Variants in CACNA2D3 observed in about 807,000 individuals in gnomAD.
CACNA2D3 encodes the protein calcium voltage-gated channel auxiliary subunit alpha2delta 3.
Under a neutral mutation model 160.6 loss-of-function variants are expected in CACNA2D3, and 60 were observed. The observed-to-expected ratio is 0.37, with a 90% CI of 0.30 to 0.46. CACNA2D3 has a LOEUF of 0.46. CACNA2D3 is among the 20% of genes least tolerant of loss of function. CACNA2D3 has a pLI of 1.00. For synonymous variants in CACNA2D3, 558 were observed against 492.9 expected (o/e 1.13, Z -1.75); for missense variants, 1,205 against 1,365.0 (o/e 0.88, Z 1.85).
intron 13 of CACNA2D3, among the ~76,000 whole-genome samples, chr3:54,809,255 TCTTC>T (rs149093173): frequency 3.4e-5 from 5 of 149,086 alleles, no homozygotes; most frequent in Admixed American, 6.7e-5. Context: ...TCTCTTCCTT[TCTTC>T]CTTCCTTCCT....
intron 3 of CACNA2D3, among the ~76,000 whole-genome samples, chr3:54,324,561 A>G (rs1164660405): frequency 6.6e-6 from 1 of 152,098 alleles, no homozygotes; most frequent in East Asian, 1.9e-4. Context: ...TGGTGGTTTA[A>G]GTAATTTTTT....
At chr3:54,780,821 G>A (rs763344069) in intron 13 of CACNA2D3, among the ~76,000 whole-genome samples, 4 of 152,268 alleles carry the variant, frequency 2.6e-5, no homozygotes, top group East Asian at 3.9e-4. Flanking sequence ...AAAGGAGTGG[G>A]GGGGTTGGAA....
chr3:55,067,743 A>G (rs1489261691), intron 35 of CACNA2D3, among the ~76,000 whole-genome samples: 1 of 152,132 alleles, frequency 6.6e-6, no homozygotes, highest in Non-Finnish European at 1.5e-5. Flanking sequence ...ATACATACAT[A>G]CATAAAGACA....
intron 4 of CACNA2D3, among the ~76,000 whole-genome samples, chr3:54,423,991 A>G (rs1304585482): frequency 2.0e-5 from 3 of 151,588 alleles, no homozygotes; most frequent in African/African-American, 7.3e-5. Flanking sequence ...CCCTGTGGTC[A>G]AGGGAGCACA....
intron 2 of CACNA2D3, among the ~76,000 whole-genome samples, chr3:54,202,728 A>T (rs1379326879): frequency 2.0e-5 from 3 of 152,346 alleles, no homozygotes; most frequent in South Asian, 4.1e-4. Context: ...GAAACTGGGG[A>T]TAATAGACAT....
At chr3:54,125,710 A>C (rs1312032861) in intron 2 of CACNA2D3, among the ~76,000 whole-genome samples, 2 of 152,190 alleles carry the variant, frequency 1.3e-5, no homozygotes, top group Admixed American at 6.5e-5. Flanking sequence ...CTATCCCCGC[A>C]AATGCTTTTG....
Position 54,833,842 on chromosome 3 carries a change from A to G in CACNA2D3, c.1399-3317A>G, listed in dbSNP as rs62254519. On this transcript the variant is annotated intron_variant, in intron 14 of 37. Transcript: ENST00000474759. ...CCAGTCTTTGTTGCCATAATGATGA[A>G]CTGGTATACATAGGAAAGCCTACGG... Among the ~76,000 whole-genome samples, 246 of 152,190 alleles carry G rather than the reference A, an allele frequency of 1.6e-3. 1 individual carries two copies. The highest frequency in any genetic ancestry group is 2.8e-3 in the Non-Finnish European group (191 of 67,992).
intron 4 of CACNA2D3, among the ~76,000 whole-genome samples, chr3:54,436,313 C>G (rs1275809207): frequency 6.6e-6 from 1 of 152,170 alleles, no homozygotes; most frequent in African/African-American, 2.4e-5. Flanking sequence ...AATAGGAACA[C>G]TTTTACACTG....
chr3:55,010,154 C>T (rs936026425), intron 34 of CACNA2D3, among the ~76,000 whole-genome samples: 1 of 152,084 alleles, frequency 6.6e-6, no homozygotes, highest in African/African-American at 2.4e-5. Flanking sequence ...AGCAATACTG[C>T]ATGTTCTCAT....
At chr3:54,470,595 A>T (rs1374606264) in intron 4 of CACNA2D3, among the ~76,000 whole-genome samples, 1 of 152,190 alleles carries the variant, frequency 6.6e-6, no homozygotes, top group Non-Finnish European at 1.5e-5. Context: ...TAATAACCTT[A>T]AATGTAAATG....
chr3:54,951,799 T>C (rs370533491), intron 27 of CACNA2D3, among the ~76,000 whole-genome samples: 25 of 152,208 alleles, frequency 1.6e-4, no homozygotes, highest in African/African-American at 6.0e-4. Flanking sequence ...TGGCCCAGAG[T>C]GGGCCCTCAG....
At position 54,415,631 on chromosome 3, in the gene CACNA2D3, T is replaced by A. The variant is rs144547724; in HGVS notation, c.381+28857T>A. On this transcript the variant is annotated intron_variant, in intron 4 of 37. Coordinates refer to ENST00000474759, the MANE Select transcript of CACNA2D3 (RefSeq NM_018398.3). ...GAGTAATAGACACCATTATTGATAA[T>A]GTGTTAAGTACAGGCAGTGGCATAA... Among the ~76,000 whole-genome samples, 393 of 152,348 alleles carry A rather than the reference T, an allele frequency of 2.6e-3. 4 individuals are homozygous for A. Among genetic ancestry groups the A allele is most frequent in the African/African-American group, 8.6e-3 (358 of 41,590 alleles).
intron 2 of CACNA2D3, among the ~76,000 whole-genome samples, chr3:54,295,876 C>A (rs1703331651): frequency 6.6e-6 from 1 of 152,198 alleles, no homozygotes; most frequent in South Asian, 2.1e-4. Context: ...ATGCAGCTCG[C>A]AGCTTAACTT....
At chr3:54,236,720 G>A (rs1449413715) in intron 2 of CACNA2D3, among the ~76,000 whole-genome samples, 2 of 152,128 alleles carry the variant, frequency 1.3e-5, no homozygotes, top group Non-Finnish European at 2.9e-5. Flanking sequence ...GTTCCAAGGG[G>A]GCCAAACTAA....
chr3:54,565,700 T>A (rs867133734), intron 6 of CACNA2D3, among the ~76,000 whole-genome samples: 5 of 152,326 alleles, frequency 3.3e-5, no homozygotes, highest in Middle Eastern at 3.4e-3. Flanking sequence ...GTAGTCACCA[T>A]GTTGAATAAC....
Position 54,406,850 on chromosome 3 carries a change from A to G in CACNA2D3, c.381+20076A>G, listed in dbSNP as rs536352379. On this transcript the variant is annotated intron_variant, in intron 4 of 37. Coordinates refer to ENST00000474759, the MANE Select transcript of CACNA2D3 (RefSeq NM_018398.3). ...TCACTGGGAAGGGGGATGGGTAACT[A>G]CGTGAGCTGATGGATATATTAATTT... Among the ~76,000 whole-genome samples the G allele has an allele frequency of 1.8e-4, 27 of 152,232 alleles. No homozygotes were observed. In the South Asian group the frequency reaches 5.2e-3, roughly 29 times the overall value.
intron 3 of CACNA2D3, among the ~76,000 whole-genome samples, chr3:54,345,965 A>G (rs1698451099): frequency 6.6e-6 from 1 of 152,246 alleles, no homozygotes; most frequent in East Asian, 1.9e-4. Context: ...CTGTCCTCCC[A>G]TGCCAGGATT....
At chr3:54,474,532 G>A (rs1355269601) in intron 4 of CACNA2D3, among the ~76,000 whole-genome samples, 1 of 151,972 alleles carries the variant, frequency 6.6e-6, no homozygotes, top group Non-Finnish European at 1.5e-5. Flanking sequence ...ATGTATCCCA[G>A]AACTTAAAGT....
At chr3:54,615,028 G>A (rs1159884280) in intron 9 of CACNA2D3, among the ~76,000 whole-genome samples, 1 of 152,196 alleles carries the variant, frequency 6.6e-6, no homozygotes, top group African/African-American at 2.4e-5. Flanking sequence ...TTGAAAACCA[G>A]TAAAGAAATG....
Sources: gnomAD v4.1 joint callset for allele counts (sites outside exome capture counted in the v4.1 genomes callset) on GRCh38, gnomAD v4.1.1 for gene constraint, MANE v1.5 for transcripts, NCBI Gene and HGNC (gene_info 2026-07-23, HGNC 2026-07-21) for gene names.